The following TMEM51 variants were observed in gnomAD, a reference collection of about 807,000 sequenced individuals.
The protein encoded by TMEM51 is transmembrane protein 51, also known as chromosome 1 open reading frame 72.
A neutral mutation model predicts 13.6 loss-of-function variants in TMEM51; 8 were observed. The observed-to-expected ratio is 0.59, with a 90% CI of 0.35 to 1.07. The LOEUF (loss-of-function observed/expected upper bound fraction) is 1.07. Among genes scored for constraint, TMEM51 ranks in the 50% least tolerant of loss-of-function variants. TMEM51 has a pLI of 0.02. For missense variants in TMEM51, 279 were observed against 330.7 expected (o/e 0.84, Z 1.21); for synonymous variants, 147 against 144.4 (o/e 1.02, Z -0.13).
chr1:15,216,638 C>T (rs546996890), intron 3 of TMEM51, among the ~76,000 whole-genome samples: 1 of 152,234 alleles, frequency 6.6e-6, no homozygotes, highest in South Asian at 2.1e-4. Context: ...GGGAGACAGT[C>T]CCACAGGTGC....
intron 1 of TMEM51, among the ~76,000 whole-genome samples, chr1:15,205,882 G>T (rs1236850136): frequency 1.3e-5 from 2 of 152,022 alleles, no homozygotes; most frequent in African/African-American, 4.8e-5. Flanking sequence ...ATCCCCCAAA[G>T]CTCCTGGCAT....
At chr1:15,165,053 G>A (rs1290983463) in intron 1 of TMEM51, among the ~76,000 whole-genome samples, 3 of 152,192 alleles carry the variant, frequency 2.0e-5, no homozygotes, top group South Asian at 4.1e-4. Flanking sequence ...CGCCCACCTC[G>A]ACCTCCCAAA....
chr1:15,161,375 A>G lies in TMEM51; in HGVS notation c.-267+7421A>G, dbSNP rs1454550047. The stretch of plus-strand genomic sequence containing the variant: ...TAGAAAAATTACCCGGTATGGTGGC[A>G]GGTGCCTGTAATCCCAGCTACTCAG... On this transcript the variant is annotated intron_variant, in intron 1 of 3. Coordinates refer to ENST00000376008, the MANE Select transcript of TMEM51 (RefSeq NM_001136218.2). This position sits in a 1 kb window ranked among gnomAD's most constrained non-coding sequence, Gnocchi z 4.0. Among the ~76,000 whole-genome samples the G allele has an allele frequency of 6.6e-6, 1 of 151,778 alleles. No homozygotes were observed. The highest frequency in any genetic ancestry group is 1.5e-5 in the Non-Finnish European group (1 of 68,012).
chr1:15,214,006 CTTT>C (rs367871717), intron 2 of TMEM51, among the ~76,000 whole-genome samples: 1 of 124,204 alleles, frequency 8.1e-6, no homozygotes. Context: ...AGCACCCAGC[CTTT>C]TTTTTTTTTT....
rs181616271 is a variant in TMEM51, at chr1:15,155,440, C to T, written c.-267+1486C>T. Among the ~76,000 whole-genome samples the T allele has an allele frequency of 4.6e-5, 7 of 152,304 alleles. No individual in the cohort carries two copies. The East Asian group carries it at 5.8e-4, about 13-fold the overall frequency. On this transcript the variant is annotated intron_variant, in intron 1 of 3. Transcript: ENST00000376008. ...AAAATGGGATGATGATCTCCAAGGGCGAGGTGGGGTATTTATGCCTAGCAC... is the reference window on the plus strand; with the variant it reads ...AAAATGGGATGATGATCTCCAAGGGTGAGGTGGGGTATTTATGCCTAGCAC...
chr1:15,197,717 C>T lies in TMEM51; in HGVS notation c.-266-12773C>T, dbSNP rs74733191. Among the ~76,000 whole-genome samples, 4 of 152,118 alleles carry T rather than the reference C, an allele frequency of 2.6e-5. No homozygotes were observed. In the South Asian group the frequency reaches 6.2e-4, roughly 24 times the overall value. On this transcript the variant is annotated intron_variant, in intron 1 of 3. Coordinates refer to ENST00000376008, the MANE Select transcript of TMEM51 (RefSeq NM_001136218.2). ...GTTGCCATTTTACAGATGAGGAAAC[C>T]GAGGCTCTCAGTGGTGGAAGGAGCA...
chr1:15,203,924 T>C (rs1049820768), intron 1 of TMEM51, among the ~76,000 whole-genome samples: 2 of 152,206 alleles, frequency 1.3e-5, no homozygotes, highest in Non-Finnish European at 2.9e-5. Context: ...CGGCCTCTGA[T>C]CTGGAGCCCA....
chr1:15,168,645 C>T, intron 1 of TMEM51: 1 of 1,304,438 alleles, frequency 7.7e-7, no homozygotes, highest in African/African-American at 1.5e-5. Flanking sequence ...TGTGTTTGTA[C>T]TGACTCACTG....
intron 1 of TMEM51, among the ~76,000 whole-genome samples, chr1:15,187,676 C>T (rs1380852972): frequency 6.6e-6 from 1 of 152,194 alleles, no homozygotes; most frequent in African/African-American, 2.4e-5. Flanking sequence ...GCATTCCCAC[C>T]ACGGTGATTT....
chr1:15,201,228 G>C (rs1557852067), intron 1 of TMEM51, among the ~76,000 whole-genome samples: 1 of 152,066 alleles, frequency 6.6e-6, no homozygotes, highest in Non-Finnish European at 1.5e-5. Flanking sequence ...TCATCAGCTT[G>C]GGAAGTTTAA....
intron 1 of TMEM51, among the ~76,000 whole-genome samples, chr1:15,159,222 T>G (rs1043748522): frequency 6.6e-6 from 1 of 151,976 alleles, no homozygotes; most frequent in Non-Finnish European, 1.5e-5. Flanking sequence ...TCGTCTAGCC[T>G]CCTCAATTCC....
At chr1:15,199,960 G>T (rs2100306839) in intron 1 of TMEM51, among the ~76,000 whole-genome samples, 1 of 152,280 alleles carries the variant, frequency 6.6e-6, no homozygotes, top group Non-Finnish European at 1.5e-5. Context: ...GAGGTTGTGA[G>T]CACTCGGCCC....
At position 15,212,530 on chromosome 1, in the gene TMEM51, A is replaced by T. The variant is rs16851425; in HGVS notation, c.-194+1968A>T. 7.9e-3 allele frequency among the ~76,000 whole-genome samples: 1,209 copies of T among 152,296 alleles called. 23 individuals carry two copies. Among genetic ancestry groups the T allele is most frequent in the African/African-American group, 0.027 (1,142 of 41,558 alleles). The stretch of plus-strand genomic sequence containing the variant: ...GTCAGGCACTTAGCATGTGCTCAGA[A>T]CGTGGTATTTTCATCACTCCTGCTT... On this transcript the variant is annotated intron_variant, in intron 2 of 3. Transcript: ENST00000376008.
intron 1 of TMEM51, among the ~76,000 whole-genome samples, chr1:15,165,878 CG>C (rs1236019616): frequency 6.6e-6 from 1 of 151,746 alleles, no homozygotes; most frequent in Admixed American, 6.6e-5. Context: ...GTGGAGGTTG[CG>C]GTGAGCCGAG....
intron 1 of TMEM51, among the ~76,000 whole-genome samples, chr1:15,165,016 T>C (rs2100821722): frequency 6.6e-6 from 1 of 152,260 alleles, no homozygotes; most frequent in African/African-American, 2.4e-5. Flanking sequence ...TTGGCCAGGA[T>C]GGTCTCCACC....
intron 1 of TMEM51, among the ~76,000 whole-genome samples, chr1:15,155,438 G>C (rs1450406282): frequency 6.6e-6 from 1 of 152,252 alleles, no homozygotes; most frequent in Non-Finnish European, 1.5e-5. Context: ...GATCTCCAAG[G>C]GCGAGGTGGG....
intron 1 of TMEM51, chr1:15,192,831 A>G (rs1247375988): frequency 1.7e-5 from 3 of 171,784 alleles, no homozygotes; most frequent in East Asian, 3.2e-4. Context: ...ACTGAATTCA[A>G]CGGATTTCTG....
chr1:15,205,181 GCTGCTT>G (rs1644227306), intron 1 of TMEM51, among the ~76,000 whole-genome samples: 2 of 152,162 alleles, frequency 1.3e-5, no homozygotes, highest in Admixed American at 6.5e-5. Flanking sequence ...TCATGAACTC[GCTGCTT>G]CTGCTTCTGG....
At position 15,204,370 on chromosome 1, in the gene TMEM51, G is replaced by A. The variant is rs551494306; in HGVS notation, c.-266-6120G>A. Among the ~76,000 whole-genome samples the A allele has an allele frequency of 1.1e-4, 16 of 152,254 alleles. No homozygotes were observed. The East Asian group carries it at 1.7e-3, about 17-fold the overall frequency. ...GGAGTTTAAGACTAGCCTGGCCAGC[G>A]TGGTGAAACCTCGTCTCTACTAAAA... On this transcript the variant is annotated intron_variant, in intron 1 of 3. Transcript: ENST00000376008.
Sources: gnomAD v4.1 joint callset for allele counts (sites outside exome capture counted in the v4.1 genomes callset) on GRCh38, gnomAD v4.1.1 for gene constraint, Gnocchi (gnomAD v3.1) non-coding constraint, MANE v1.5 for transcripts, NCBI Gene and HGNC (gene_info 2026-07-23, HGNC 2026-07-21) for gene names.